The following ADSL variants were observed in gnomAD, a reference collection of about 807,000 sequenced individuals.
ADSL encodes the protein adenylosuccinate lyase, also known as adenylosuccinase.
Under a neutral mutation model 62.1 loss-of-function variants are expected in ADSL, and 44 were observed. The observed-to-expected ratio is 0.71, with a 90% confidence interval of 0.56 to 0.91. The LOEUF is 0.91. Ranked by LOEUF, ADSL falls within the 40% of genes least tolerant of loss-of-function variation. ADSL has a pLI of 0.00. For synonymous variants in ADSL, 198 were observed against 220.5 expected, an observed-to-expected ratio of 0.90 and a Z score of 0.90; for missense variants, 531 against 627.4, an observed-to-expected ratio of 0.85 and a Z score of 1.64.
chr22:40,370,354 CAAAAAAAAAAA>C (rs11328048), downstream of ADSL, among the ~76,000 whole-genome samples: 2 of 86,402 alleles, frequency 2.3e-5, no homozygotes, highest in Non-Finnish European at 4.8e-5. Context: ...GACTCCATCT[CAAAAAAAAAAA>C]AAAAAAAAAA....
In ADSL at chr22:40,367,269, T is replaced by TG. The variant is rs886692776; in HGVS notation, c.*750dup. ...CTCCAGCCTCAGCCTCCCAAGTAGC[T>TG]GGGATTACAGGCGCCTGCCGCCATG... is the stretch of plus-strand genomic sequence containing the variant. On this transcript the variant is annotated 3_prime_UTR_variant, in exon 13 of 13. Transcript: ENST00000623063. The TG allele has an allele frequency of 3.3e-5, 5 of 152,330 alleles. No homozygotes were observed. Among genetic ancestry groups the TG allele is most frequent in the African/African-American group, 9.7e-5 (4 of 41,442 alleles). The allele number at this position is 152,330 out of a possible 1,614,324, so 9.4% of individuals were successfully genotyped here.
intron 1 of ADSL, 33 bp downstream of exon 1, chr22:40,346,744 G>T (rs1272489192): frequency 1.3e-6 from 2 of 1,572,354 alleles, no homozygotes; most frequent in South Asian, 1.1e-5. Flanking sequence ...GCTGGGCCGG[G>T]AGGGACGGGC....
chr22:40,353,176 A>G (rs2044414017), intron 3 of ADSL, 59 bp downstream of exon 3: 3 of 1,311,536 alleles, frequency 2.3e-6, no homozygotes, highest in Admixed American at 3.4e-5. Flanking sequence ...GGAGATAGGC[A>G]CCAGTTACAA....
At chr22:40,353,589 T>C (rs895440802) in intron 3 of ADSL, among the ~76,000 whole-genome samples, 13 of 151,590 alleles carry the variant, frequency 8.6e-5, no homozygotes, top group African/African-American at 2.9e-4. Flanking sequence ...CAGCTGTCTC[T>C]TTAAAAGACT....
At chr22:40,366,315 C>T (rs1486383384) in intron 12 of ADSL, 121 bp from the exon 13 acceptor site, 8 of 741,176 alleles carry the variant, frequency 1.1e-5, no homozygotes, top group Non-Finnish European at 1.7e-5. Context: ...AAAACAAGCT[C>T]AGTGTTGGAG....
chr22:40,358,581 C>G (rs2044654344), intron 4 of ADSL, among the ~76,000 whole-genome samples: 2 of 152,056 alleles, frequency 1.3e-5, no homozygotes, highest in African/African-American at 4.8e-5. Context: ...AAGACCCAGT[C>G]TAGAAATAAT....
intron 2 of ADSL, among the ~76,000 whole-genome samples, chr22:40,384,973 A>G (rs1200401874): frequency 3.3e-5 from 5 of 152,248 alleles, no homozygotes; most frequent in African/African-American, 9.6e-5. Context: ...ATGGACTAAA[A>G]GAAAGAAGAC....
downstream of ADSL, chr22:40,373,317 C>T (rs2045934341): frequency 6.6e-6 from 1 of 152,232 alleles, no homozygotes; most frequent in Non-Finnish European, 1.5e-5. Flanking sequence ...CTTCAAATTA[C>T]TACCATTTCT....
intron 1 of ADSL, 80 bp downstream of exon 1, chr22:40,346,791 G>T (rs530227423): frequency 6.9e-7 from 1 of 1,441,944 alleles, no homozygotes; most frequent in South Asian, 1.3e-5. Context: ...TCCGGGCTGG[G>T]CTTAGCCACC....
Position 40,366,467 on chromosome 22 carries a change from C to G in ADSL, c.1400C>G (p.Pro467Arg), listed in dbSNP as rs1057521071. The change falls in exon 13 of 13, where the codon CCC becomes CGC. Residue 467 changes from proline to arginine, a missense_variant. By Grantham distance (103) the Pro-to-Arg change is moderately radical. This residue lies in a region of ADSL where 471 missense variants were observed against 592.9 expected (regional missense o/e 0.79). Transcript: ENST00000623063. ...VQRFLEEEVY[P>R]LLKPYESVMK... Reference sequence around the variant, plus strand: ...AGATTCTTAGAAGAGGAGGTGTATCCCCTGTTAAAACCATATGAAAGCGTG... The same window carrying G: ...AGATTCTTAGAAGAGGAGGTGTATCGCCTGTTAAAACCATATGAAAGCGTG... The G allele has an allele frequency of 6.2e-7, 1 of 1,613,372 alleles. No individual in the cohort carries two copies. Among genetic ancestry groups the G allele is most frequent in the Non-Finnish European group, 8.5e-7 (1 of 1,179,472 alleles).
At position 40,380,795 on chromosome 22, in the gene ADSL, C is replaced by T. The variant is rs895520947; in HGVS notation, c.90-9435C>T. ...CAACAGTAACAAAAAATTAGCAGGG[C>T]GTGGTGGTGTGTGCCTGTAGTCCTA... is the stretch of plus-strand genomic sequence containing the variant. On this transcript the variant is annotated intron_variant, in intron 2 of 2. Coordinates refer to the ADSL transcript ENST00000498234. 5.3e-5 allele frequency among the ~76,000 whole-genome samples: 8 copies of T among 152,110 alleles called. 1 individual carries two copies. Among genetic ancestry groups the T allele is most frequent in the South Asian group, 4.2e-4 (2 of 4,806 alleles).
chr22:40,353,212 A>T, intron 3 of ADSL, 95 bp downstream of exon 3: 1 of 965,698 alleles, frequency 1.0e-6, no homozygotes, highest in Non-Finnish European at 1.7e-6. Flanking sequence ...GTAAATTTTT[A>T]CATAGACTAT....
downstream of ADSL, chr22:40,373,485 T>A (rs1473431100): frequency 1.3e-5 from 2 of 152,246 alleles, no homozygotes; most frequent in Non-Finnish European, 2.9e-5. Context: ...CTACTGTGTA[T>A]ATCATCTTCT....
chr22:40,384,738 G>A (rs1426847707), intron 2 of ADSL, among the ~76,000 whole-genome samples: 5 of 152,110 alleles, frequency 3.3e-5, no homozygotes, highest in South Asian at 2.1e-4. Flanking sequence ...CTGAGATAGC[G>A]CCATTGCACT....
At chr22:40,370,719 C>T (rs2045226524), downstream of ADSL, 1 of 152,706 alleles carries the variant, frequency 6.5e-6, no homozygotes, top group Non-Finnish European at 1.5e-5. Flanking sequence ...AGCGGAGACC[C>T]ACCGGCGCCT....
At chr22:40,353,234 G>A in intron 3 of ADSL, 117 bp downstream of exon 3, 1 of 802,520 alleles carries the variant, frequency 1.2e-6, no homozygotes, top group Non-Finnish European at 2.2e-6. Flanking sequence ...ATTTTTTCAG[G>A]TGAATGACAA....
rs1231653164 is a variant in ADSL at position 40,359,323 on chromosome 22, G to A, written c.701+17G>A. 1.9e-6 allele frequency: 3 copies of A among 1,613,118 alleles called. No individual in the cohort carries two copies. The highest frequency in any genetic ancestry group is 1.3e-5 in the African/African-American group (1 of 75,012). ...ATTTAAGAGGTAGGTAAATGGGAAT[G>A]TGTTGGCCTCCCTGTTAAGTTGATG... On this transcript the variant is annotated intron_variant, in intron 6 of 12. Coordinates refer to ENST00000623063, the MANE Select transcript of ADSL (RefSeq NM_000026.4).
rs781250384 is a variant in ADSL, at chr22:40,367,873, TG to T, written c.*1352del. 1 of 152,172 alleles carries T rather than the reference TG, an allele frequency of 6.6e-6. No homozygotes were observed. The highest frequency in any genetic ancestry group is 1.5e-5 in the Non-Finnish European group (1 of 68,020). 9.4% of individuals were successfully genotyped at this position (152,172 alleles called of 1,614,324 possible). ...AGAGGAAAAAGTTAATAAAGATCAA[TG>T]TAAATAAGTTAATCTTAAACTCAGT... is the stretch of plus-strand genomic sequence containing the variant. On this transcript the variant is annotated 3_prime_UTR_variant, in exon 13 of 13. Coordinates refer to ENST00000623063, the MANE Select transcript of ADSL (RefSeq NM_000026.4).
chr22:40,361,401 G>A (rs2044782848), intron 8 of ADSL, 59 bp downstream of exon 8: 1 of 1,611,738 alleles, frequency 6.2e-7, no homozygotes, highest in East Asian at 2.2e-5. Flanking sequence ...GTGGATGGGG[G>A]CTGAGAGCTC....
Sources: allele counts gnomAD v4.1 joint callset (sites outside exome capture counted in the v4.1 genomes callset), GRCh38; gene constraint gnomAD v4.1.1; regional missense constraint gnomAD v4.1.1; transcripts MANE v1.5; gene names NCBI Gene and HGNC (gene_info 2026-07-23, HGNC 2026-07-21).